Variants in GALNT13 observed in about 807,000 individuals in gnomAD.
The protein encoded by GALNT13 is polypeptide N-acetylgalactosaminyltransferase 13, also known as UDP-GalNAc:polypeptide N-acetylgalactosaminyltransferase 13.
In GALNT13, 28 loss-of-function variants were observed where a neutral mutation model predicts 64.2. The observed-to-expected ratio is 0.44, with a 90% CI of 0.32 to 0.60. The LOEUF (loss-of-function observed/expected upper bound fraction) is 0.60. Among genes scored for constraint, GALNT13 ranks in the 20% least tolerant of loss-of-function variants. GALNT13 has a pLI of 0.05. For missense variants in GALNT13, 577 were observed against 669.8 expected (o/e 0.86, Z 1.53); for synonymous variants, 214 against 224.6 (o/e 0.95, Z 0.42).
the GALNT13 span, among the ~76,000 whole-genome samples, chr2:153,842,640 C>T: frequency 6.6e-6 from 1 of 151,712 alleles, no homozygotes; most frequent in Non-Finnish European, 1.5e-5. Context: ...TCAGTTTATC[C>T]TTCATTTTTT....
chr2:153,534,580 G>C, the GALNT13 span, among the ~76,000 whole-genome samples: 1 of 150,182 alleles, frequency 6.7e-6, no homozygotes, highest in Admixed American at 6.6e-5. Flanking sequence ...GGTGCAGGCG[G>C]GCCAAGTCCG....
chr2:153,495,209 G>C, the GALNT13 span, among the ~76,000 whole-genome samples: 4 of 151,982 alleles, frequency 2.6e-5, no homozygotes, highest in Non-Finnish European at 1.5e-5. Flanking sequence ...CTACACAATG[G>C]TACAATCCTT....
At chr2:153,621,852 T>A in the GALNT13 span, among the ~76,000 whole-genome samples, 1 of 152,090 alleles carries the variant, frequency 6.6e-6, no homozygotes, top group Non-Finnish European at 1.5e-5. Context: ...TGGGCTCCCC[T>A]CTGGCTGAGG....
At chr2:153,675,710 A>G in the GALNT13 span, among the ~76,000 whole-genome samples, 1 of 152,146 alleles carries the variant, frequency 6.6e-6, no homozygotes, top group Non-Finnish European at 1.5e-5. Flanking sequence ...AAAGAAGACT[A>G]TATCTCAAAA....
the GALNT13 span, among the ~76,000 whole-genome samples, chr2:153,624,177 G>T: frequency 6.6e-6 from 1 of 152,074 alleles, no homozygotes; most frequent in Non-Finnish European, 1.5e-5. Flanking sequence ...TAACTGAAAA[G>T]TGGAAAGGCT....
At chr2:153,088,352 A>G in the GALNT13 span, among the ~76,000 whole-genome samples, 116 of 152,120 alleles carry the variant, frequency 7.6e-4, no homozygotes, top group Non-Finnish European at 1.4e-3. Context: ...AGATTTTCTT[A>G]AGTTTATTGA....
intron 3 of GALNT13, among the ~76,000 whole-genome samples, chr2:153,997,913 G>A (rs1331952951): frequency 2.0e-5 from 3 of 152,064 alleles, no homozygotes; most frequent in African/African-American, 7.2e-5. Flanking sequence ...CTTTTCTTGT[G>A]TTAGTTTGCT....
the GALNT13 span, among the ~76,000 whole-genome samples, chr2:153,416,513 G>A: frequency 3.9e-5 from 6 of 152,144 alleles, no homozygotes; most frequent in African/African-American, 1.4e-4. Flanking sequence ...GGTTTTTATA[G>A]TTTTGGTTTG....
chr2:154,307,687 A>G (rs187726423), intron 9 of GALNT13, among the ~76,000 whole-genome samples: 1 of 152,236 alleles, frequency 6.6e-6, no homozygotes, highest in Admixed American at 6.5e-5. Context: ...ATCAAATACT[A>G]TAGCATCATT....
At chr2:153,608,354 G>A in the GALNT13 span, among the ~76,000 whole-genome samples, 2 of 152,002 alleles carry the variant, frequency 1.3e-5, no homozygotes, top group African/African-American at 4.8e-5. Flanking sequence ...TCCCACCCAC[G>A]GTGGCAGAGT....
At chr2:154,437,883 C>T (rs1701071994) in intron 11 of GALNT13, 1 of 210,550 alleles carries the variant, frequency 4.7e-6, no homozygotes, top group South Asian at 5.4e-5. Flanking sequence ...CCTCATGAAA[C>T]CTTAATAATC....
chr2:154,372,466 T>C (rs777179197), intron 9 of GALNT13, among the ~76,000 whole-genome samples: 13 of 152,132 alleles, frequency 8.5e-5, no homozygotes, highest in Admixed American at 7.9e-4. Flanking sequence ...GATATCTATG[T>C]ACAAATGCAT....
At chr2:154,411,512 C>G (rs551766066) in intron 11 of GALNT13, among the ~76,000 whole-genome samples, 2 of 151,706 alleles carry the variant, frequency 1.3e-5, no homozygotes, top group African/African-American at 4.8e-5. Flanking sequence ...ATGTGTGTCA[C>G]TAGAACTTCA....
At chr2:153,705,303 C>G in the GALNT13 span, among the ~76,000 whole-genome samples, 1 of 151,634 alleles carries the variant, frequency 6.6e-6, no homozygotes, top group Non-Finnish European at 1.5e-5. Context: ...TTTCTGCCCT[C>G]TCTAAGTCAT....
chr2:153,224,789 A>G, the GALNT13 span, among the ~76,000 whole-genome samples: 5 of 152,238 alleles, frequency 3.3e-5, no homozygotes, highest in African/African-American at 1.2e-4. Flanking sequence ...AACTACTGAT[A>G]TTTATAAAAG....
intron 4 of GALNT13, among the ~76,000 whole-genome samples, chr2:154,190,266 C>A (rs578068581): frequency 5.3e-5 from 8 of 152,326 alleles, no homozygotes; most frequent in African/African-American, 1.9e-4. Flanking sequence ...GTGATTACAG[C>A]TGTTGACCCA....
chr2:154,024,643 CT>C (rs1697806033), intron 3 of GALNT13, among the ~76,000 whole-genome samples: 3 of 152,130 alleles, frequency 2.0e-5, no homozygotes, highest in Admixed American at 2.0e-4. Flanking sequence ...TTTGAATTTC[CT>C]CCTGTAGCTC....
intron 4 of GALNT13, among the ~76,000 whole-genome samples, chr2:154,164,875 C>G (rs1684939859): frequency 6.6e-6 from 1 of 152,058 alleles, no homozygotes. Context: ...TATAATAAGT[C>G]TTAAGTTTAA....
At chr2:153,094,575 G>A in the GALNT13 span, among the ~76,000 whole-genome samples, 9 of 152,154 alleles carry the variant, frequency 5.9e-5, no homozygotes, top group African/African-American at 2.2e-4. Flanking sequence ...AGCCCGCATT[G>A]CCAAGACAAT....
Sources: allele counts gnomAD v4.1 joint callset (sites outside exome capture counted in the v4.1 genomes callset), GRCh38; gene constraint gnomAD v4.1.1; transcripts MANE v1.5; gene names NCBI Gene and HGNC (gene_info 2026-07-23, HGNC 2026-07-21).